The following ADGRV1 variants were observed in gnomAD, a reference collection of about 807,000 sequenced individuals.
ADGRV1 encodes the protein adhesion G protein-coupled receptor V1.
In ADGRV1, 359 loss-of-function variants were observed where a neutral mutation model predicts 596.2. That is an observed-to-expected ratio of 0.60 (90% CI 0.55 to 0.66). The LOEUF is 0.66. Among genes scored for constraint, ADGRV1 ranks in the 30% least tolerant of loss-of-function variants. ADGRV1 has a pLI of 0.00. For synonymous variants in ADGRV1, 2,681 were observed against 2,679.2 expected (o/e 1.00, Z -0.02); for missense variants, 7,274 against 7,575.6 (o/e 0.96, Z 1.48).
chr5:90,775,576 A>C (rs938168301), intron 60 of ADGRV1, among the ~76,000 whole-genome samples: 35 of 152,274 alleles, frequency 2.3e-4, no homozygotes, highest in Middle Eastern at 3.4e-3. Flanking sequence ...TCCCAGGCTC[A>C]AACAAACCTC....
chr5:91,014,361 T>C (rs1178067356), intron 85 of ADGRV1, among the ~76,000 whole-genome samples: 4 of 151,908 alleles, frequency 2.6e-5, no homozygotes, highest in Admixed American at 2.6e-4. Context: ...CTCTGCCAGG[T>C]TTTGGTATCA....
At chr5:90,594,981 T>G (rs1333103492) in intron 1 of ADGRV1, among the ~76,000 whole-genome samples, 21 of 147,368 alleles carry the variant, frequency 1.4e-4, no homozygotes, top group African/African-American at 4.9e-4. Context: ...TCCTGGCCCG[T>G]TCTCAATGAG....
At chr5:90,897,192 A>T (rs1033082912) in intron 83 of ADGRV1, among the ~76,000 whole-genome samples, 2 of 152,266 alleles carry the variant, frequency 1.3e-5, no homozygotes, top group African/African-American at 4.8e-5. Flanking sequence ...CATTGAATAT[A>T]TACTTACATA....
intron 36 of ADGRV1, among the ~76,000 whole-genome samples, chr5:90,704,757 A>G (rs986345036): frequency 6.6e-6 from 1 of 152,150 alleles, no homozygotes; most frequent in Non-Finnish European, 1.5e-5. Flanking sequence ...TTTGAAATTA[A>G]TTTGAGACTT....
chr5:90,696,846 T>A, intron 33 of ADGRV1, 91 bp from the exon 34 acceptor site: 1 of 888,256 alleles, frequency 1.1e-6, no homozygotes, highest in Non-Finnish European at 1.7e-6. Context: ...TTTATTTAAC[T>A]TTTAAACATA....
chr5:91,082,983 A>G (rs771724676), intron 86 of ADGRV1, among the ~76,000 whole-genome samples: 84 of 152,208 alleles, frequency 5.5e-4, no homozygotes, highest in Admixed American at 8.5e-4. Context: ...ATCAACTGGT[A>G]CATTATTAAA....
intron 16 of ADGRV1, among the ~76,000 whole-genome samples, chr5:90,647,244 A>G (rs1767918878): frequency 1.3e-5 from 2 of 152,196 alleles, no homozygotes; most frequent in Admixed American, 1.3e-4. Context: ...AGAGGATTTG[A>G]AATAGCATGC....
chr5:91,126,760 GA>G (rs1048063511), intron 87 of ADGRV1, among the ~76,000 whole-genome samples: 12 of 152,186 alleles, frequency 7.9e-5, no homozygotes. Context: ...CATTGCACTG[GA>G]AACAGGATTT....
Position 90,654,995 on chromosome 5 carries a change from G to A in ADGRV1, c.4378+1043G>A, listed in dbSNP as rs577467694. ...GAGGAACTTGTTATTTTTGTACTTT[G>A]TAATTTGGAAAGATAATTTTTAAAC... On this transcript the variant is annotated intron_variant, in intron 20 of 89. Coordinates refer to ENST00000405460, the MANE Select transcript of ADGRV1 (RefSeq NM_032119.4). The A allele has an allele frequency of 2.6e-5, 4 of 152,220 alleles. No individual in the cohort carries two copies. In the South Asian group the frequency reaches 8.3e-4, roughly 32 times the overall value. The allele number at this position is 152,220 out of a possible 1,614,324, so 9.4% of individuals were successfully genotyped here.
At chr5:90,904,348 G>C (rs1388326611) in intron 83 of ADGRV1, among the ~76,000 whole-genome samples, 1 of 151,966 alleles carries the variant, frequency 6.6e-6, no homozygotes, top group East Asian at 1.9e-4. Flanking sequence ...ACTGTTCTCT[G>C]TAGTGGTTGT....
At chr5:90,684,956 T>C (rs1425598385) in intron 28 of ADGRV1, among the ~76,000 whole-genome samples, 2 of 152,222 alleles carry the variant, frequency 1.3e-5, no homozygotes, top group Non-Finnish European at 2.9e-5. Flanking sequence ...GTCAAGGAAC[T>C]AAATTAGTTT....
Position 91,005,398 on chromosome 5 carries a change from C to T in ADGRV1, c.18152+19876C>T, listed in dbSNP as rs919270174. ...TATATATTTTTTTGAAGTGCAGTGG[C>T]GCAATCTTGGCTCACTGCAACCTCG... On this transcript the variant is annotated intron_variant, in intron 85 of 89. Coordinates refer to ENST00000405460, the MANE Select transcript of ADGRV1 (RefSeq NM_032119.4). Among the ~76,000 whole-genome samples the T allele has an allele frequency of 1.1e-4, 16 of 152,026 alleles. No individual in the cohort carries two copies. The East Asian group carries it at 2.3e-3, about 22-fold the overall frequency.
At chr5:90,816,590 G>A (rs1194318523) in intron 75 of ADGRV1, among the ~76,000 whole-genome samples, 2 of 136,864 alleles carry the variant, frequency 1.5e-5, no homozygotes, top group Admixed American at 1.6e-4. Context: ...GTCCCCAGTG[G>A]GTGATGTTCC....
At chr5:91,162,231 C>A (rs767850876) in intron 89 of ADGRV1, among the ~76,000 whole-genome samples, 7 of 152,188 alleles carry the variant, frequency 4.6e-5, no homozygotes, top group Non-Finnish European at 7.3e-5. Flanking sequence ...GTGTACTGAG[C>A]ACTGTCCTAT....
intron 85 of ADGRV1, among the ~76,000 whole-genome samples, chr5:91,063,438 T>A (rs1476498008): frequency 6.6e-6 from 1 of 152,212 alleles, no homozygotes; most frequent in Non-Finnish European, 1.5e-5. Flanking sequence ...CATAGCATTC[T>A]ATTTTTAGTA....
At chr5:91,127,617 G>A (rs1582139416) in intron 87 of ADGRV1, among the ~76,000 whole-genome samples, 1 of 151,606 alleles carries the variant, frequency 6.6e-6, no homozygotes, top group African/African-American at 2.4e-5. Flanking sequence ...ATGTCTTAGA[G>A]ACATATTTCT....
intron 50 of ADGRV1, among the ~76,000 whole-genome samples, chr5:90,734,015 A>T (rs1164458368): frequency 6.6e-6 from 1 of 152,166 alleles, no homozygotes; most frequent in Non-Finnish European, 1.5e-5. Context: ...GAGATCATGC[A>T]GTATTTGTCT....
Position 90,711,014 on chromosome 5 carries a change from A to C in ADGRV1, c.8858A>C (p.Asp2953Ala), listed in dbSNP as rs1478664906. ...GGTTTGACTGCACAAGTTATTATTG[A>C]TGCCAATGATGGGGCCCGAGGTGTA... ...SEGLTAQVII[D>A]ANDGARGVIE... Residue 2953 changes from aspartate (D) to alanine (A), a missense_variant, in exon 40 of 90, where the codon GAT becomes GCT. By Grantham distance (126) the Asp-to-Ala change is moderately radical. Coordinates refer to ENST00000405460, the MANE Select transcript of ADGRV1 (RefSeq NM_032119.4). The C allele has an allele frequency of 6.2e-7, 1 of 1,611,068 alleles. No individual in the cohort carries two copies. Among genetic ancestry groups the C allele is most frequent in the Non-Finnish European group, 8.5e-7 (1 of 1,178,114 alleles).
intron 77 of ADGRV1, among the ~76,000 whole-genome samples, chr5:90,839,186 C>G (rs1307580530): frequency 6.6e-6 from 1 of 152,020 alleles, no homozygotes; most frequent in East Asian, 1.9e-4. Context: ...TGACTCCTAT[C>G]TACCTCTCTG....
Sources: allele counts gnomAD v4.1 joint callset (sites outside exome capture counted in the v4.1 genomes callset), GRCh38; gene constraint gnomAD v4.1.1; transcripts MANE v1.5; gene names NCBI Gene and HGNC (gene_info 2026-07-23, HGNC 2026-07-21).